C3orf52: variants seen among roughly 807,000 people sequenced by gnomAD.
C3orf52 encodes the protein TPA-induced transmembrane protein.
C3orf52 carries 22 observed loss-of-function variants against 24.8 expected under a neutral mutation model. That is an observed-to-expected ratio of 0.89 (90% CI 0.63 to 1.27). C3orf52 has a LOEUF of 1.27. Ranked by LOEUF, C3orf52 falls within the 50% of genes most tolerant of loss-of-function variation. The pLI, the probability that C3orf52 is intolerant of heterozygous loss-of-function variation, is 0.00. For missense variants in C3orf52, 265 were observed against 260.7 expected, an observed-to-expected ratio of 1.02 and a Z score of -0.11; for synonymous variants, 93 against 100.2, an observed-to-expected ratio of 0.93 and a Z score of 0.43.
downstream of C3orf52, chr3:112,123,208 C>T (rs1460154301): frequency 6.3e-6 from 4 of 632,816 alleles, no homozygotes; most frequent in South Asian, 8.1e-5. Context: ...CTATACTCTC[C>T]AAACCATGTA....
At chr3:112,128,128 T>G in intron 4 of C3orf52, 1 of 1,445,278 alleles carries the variant, frequency 6.9e-7, no homozygotes, top group African/African-American at 1.4e-5. Context: ...GGTGACTCCT[T>G]TCCTTTTGCC....
At position 112,128,369 on chromosome 3, in the gene C3orf52, T is replaced by C. The variant is rs1476795017; in HGVS notation, c.*183T>C. 5.9e-6 allele frequency: 3 copies of C among 512,168 alleles called. No homozygotes were observed. In the Admixed American group the frequency reaches 9.0e-5, roughly 15 times the overall value. 31.7% of individuals were successfully genotyped at this position (512,168 alleles called of 1,614,324 possible). On this transcript the variant is annotated 3_prime_UTR_variant, in exon 5 of 5. Transcript: ENST00000480282. ...TGTAATGAAGAACACGTAAGTGTTA[T>C]CCCCAGGAAATCAAGGTACAAGTGT...
At chr3:112,087,276 C>T (rs779035435) in intron 1 of C3orf52, among the ~76,000 whole-genome samples, 1 of 152,168 alleles carries the variant, frequency 6.6e-6, no homozygotes, top group Non-Finnish European at 1.5e-5. Context: ...CTTGCTTTTA[C>T]CTCCTCTCAA....
intron 1 of C3orf52, among the ~76,000 whole-genome samples, 174 bp from the exon 2 acceptor site, chr3:112,093,186 G>A (rs1258386004): frequency 6.6e-6 from 1 of 152,148 alleles, no homozygotes; most frequent in Non-Finnish European, 1.5e-5. Flanking sequence ...CTAACTTCTT[G>A]ATGAGGTTCT....
chr3:112,102,253 T>C (rs2073979654), intron 2 of C3orf52, among the ~76,000 whole-genome samples: 1 of 152,180 alleles, frequency 6.6e-6, no homozygotes, highest in African/African-American at 2.4e-5. Context: ...CAGCACAGAA[T>C]TGGGAGGTGA....
At chr3:112,102,198 CTGT>C (rs965203380) in intron 2 of C3orf52, among the ~76,000 whole-genome samples, 1 of 152,134 alleles carries the variant, frequency 6.6e-6, no homozygotes, top group Non-Finnish European at 1.5e-5. Context: ...CTAGTCACCT[CTGT>C]TGTTTGAGTC....
downstream of C3orf52, among the ~76,000 whole-genome samples, chr3:112,135,620 A>G (rs1291207417): frequency 1.3e-5 from 2 of 151,926 alleles, no homozygotes; most frequent in Non-Finnish European, 2.9e-5. Flanking sequence ...CACTTTTCTA[A>G]AAAAACACAA....
At chr3:112,134,106 GA>G (rs2074521697), downstream of C3orf52, 1 of 152,246 alleles carries the variant, frequency 6.6e-6, no homozygotes, top group Admixed American at 6.5e-5. Flanking sequence ...CTTCAGGGAG[GA>G]GCCCGGCCAG....
chr3:112,133,375 C>G (rs2074505224), downstream of C3orf52: 4 of 438,500 alleles, frequency 9.1e-6, no homozygotes, highest in Non-Finnish European at 1.6e-5. Context: ...TAACCAGCAA[C>G]TACCCGTCAA....
downstream of C3orf52, chr3:112,133,136 A>G: frequency 6.2e-7 from 1 of 1,613,744 alleles, no homozygotes; most frequent in Non-Finnish European, 8.5e-7. Flanking sequence ...CAGTCCTCTC[A>G]GGGCTTCCCC....
chr3:112,102,296 C>A (rs1010092358), intron 2 of C3orf52, among the ~76,000 whole-genome samples: 2 of 152,184 alleles, frequency 1.3e-5, no homozygotes, highest in Non-Finnish European at 1.5e-5. Flanking sequence ...ACTTCCTGTC[C>A]TTCATCACTC....
intron 2 of C3orf52, among the ~76,000 whole-genome samples, chr3:112,101,344 C>T (rs1159801757): frequency 6.6e-6 from 1 of 152,172 alleles, no homozygotes; most frequent in Admixed American, 6.5e-5. Context: ...ATTCCTCCAG[C>T]GATAGGCTGT....
chr3:112,130,114 G>A (rs747608479), downstream of C3orf52: 1 of 273,000 alleles, frequency 3.7e-6, no homozygotes, highest in Non-Finnish European at 7.1e-6. Context: ...AAAATGGCTA[G>A]GGTGGAGGTT....
At chr3:112,133,023 C>T (rs898596320), downstream of C3orf52, 39 of 1,526,852 alleles carry the variant, frequency 2.6e-5, no homozygotes, top group African/African-American at 5.5e-5. Context: ...TACTAGCTTT[C>T]TTTTTCTCTT....
chr3:112,124,548 C>T (rs1243445528), intron 4 of C3orf52, among the ~76,000 whole-genome samples: 2 of 152,148 alleles, frequency 1.3e-5, no homozygotes, highest in Non-Finnish European at 2.9e-5. Flanking sequence ...GCGGAGGTTG[C>T]AGTGAGCTGA....
intron 4 of C3orf52, among the ~76,000 whole-genome samples, chr3:112,124,161 G>T (rs2074258022): frequency 6.6e-6 from 1 of 152,188 alleles, no homozygotes; most frequent in South Asian, 2.1e-4. Flanking sequence ...TCGCAGTTAT[G>T]AGTGTACCGC....
intron 2 of C3orf52, among the ~76,000 whole-genome samples, chr3:112,099,633 G>C (rs1031935677): frequency 7.9e-5 from 12 of 152,108 alleles, no homozygotes; most frequent in African/African-American, 2.7e-4. Context: ...TTAACTCATT[G>C]GGTTAATGTG....
chr3:112,086,743 C>T (rs1327700651), intron 1 of C3orf52, among the ~76,000 whole-genome samples, 198 bp downstream of exon 1: 1 of 152,182 alleles, frequency 6.6e-6, no homozygotes, highest in Non-Finnish European at 1.5e-5. Flanking sequence ...CTCCCCAGCC[C>T]CTGGGGTCCT....
chr3:112,133,694 T>C (rs1452429486), downstream of C3orf52: 3 of 152,410 alleles, frequency 2.0e-5, no homozygotes, highest in African/African-American at 7.2e-5. Context: ...AAATCCACAA[T>C]GGAACACTTT....
Sources: allele counts gnomAD v4.1 joint callset (sites outside exome capture counted in the v4.1 genomes callset), GRCh38; gene constraint gnomAD v4.1.1; transcripts MANE v1.5; gene names NCBI Gene and HGNC (gene_info 2026-07-23, HGNC 2026-07-21).